Variants in OGG1 observed in about 807,000 individuals in gnomAD.
The protein encoded by OGG1 is N-glycosylase/DNA lyase.
OGG1 carries 35 observed loss-of-function variants against 42.3 expected under a neutral mutation model. The observed-to-expected ratio is 0.83, with a 90% CI of 0.63 to 1.10. The LOEUF (loss-of-function observed/expected upper bound fraction) is 1.10. OGG1 is among the 50% of genes least tolerant of loss of function. The pLI is 0.00. For synonymous variants in OGG1, 189 were observed against 179.0 expected, an observed-to-expected ratio of 1.06 and a Z score of -0.44; for missense variants, 484 against 446.7, an observed-to-expected ratio of 1.08 and a Z score of -0.75.
intron 3 of OGG1, chr3:9,785,288 T>C: frequency 6.4e-7 from 1 of 1,561,996 alleles, no homozygotes; most frequent in Non-Finnish European, 8.8e-7. Context: ...GGGGCCAGAC[T>C]GTGGGTTGTG....
intron 2 of OGG1, among the ~76,000 whole-genome samples, chr3:9,777,166 G>A (rs2078375354): frequency 6.6e-6 from 1 of 152,240 alleles, no homozygotes; most frequent in African/African-American, 2.4e-5. Flanking sequence ...AAAGTCAGCT[G>A]TAAGGCATTT....
downstream of OGG1, chr3:9,761,251 T>C (rs1383289771): frequency 1.9e-6 from 1 of 538,576 alleles, no homozygotes; most frequent in Non-Finnish European, 3.2e-6. Flanking sequence ...TTGTCTGGTT[T>C]GTGCTGTGCT....
intron 2 of OGG1, 33 bp downstream of exon 2, chr3:9,751,225 C>G: frequency 6.2e-7 from 1 of 1,609,006 alleles, no homozygotes; most frequent in Non-Finnish European, 8.5e-7. Context: ...GGTTAGGGTT[C>G]TTGGACATAA....
exon 4 of OGG1, chr3:9,787,799 G>C: frequency 9.8e-7 from 1 of 1,016,230 alleles, no homozygotes; most frequent in South Asian, 1.3e-5. Flanking sequence ...ACAAAGGAGA[G>C]ACTGACTAAC....
At chr3:9,760,511 GGGTAGGGTGTCTGGTCTC>G (rs1414767675), downstream of OGG1, 1 of 722,814 alleles carries the variant, frequency 1.4e-6, no homozygotes, top group Non-Finnish European at 2.4e-6. Context: ...AAGGAAGAAG[GGGTAGGGTGTCTGGTCTC>G]GAAGACAGCT....
Position 9,754,774 on chromosome 3 carries a change from C to T in OGG1, c.636C>T (p.Ala212=). ...GTGCCCGTTACGTGAGTGCCAGTGC[C>T]CGAGCCATCCTGGAAGAACAGGGCG... ...GYRARYVSAS[A]RAILEEQGGL... is the part of the protein sequence containing the mutation. Residue 212 remains alanine (A), a synonymous_variant, in exon 4 of 7, where the codon GCC becomes GCT. Coordinates refer to ENST00000344629, the MANE Select transcript of OGG1 (RefSeq NM_002542.6). 6.2e-7 allele frequency: 1 copy of T among 1,614,046 alleles called. No individual in the cohort carries two copies. Among genetic ancestry groups the T allele is most frequent in the East Asian group, 2.2e-5 (1 of 44,884 alleles).
At chr3:9,753,069 G>C (rs997812873) in intron 3 of OGG1, among the ~76,000 whole-genome samples, 7 of 150,520 alleles carry the variant, frequency 4.7e-5, no homozygotes, top group Admixed American at 4.0e-4. Context: ...AAAGAAACCT[G>C]GGTCAGGCAC....
Position 9,754,779 on chromosome 3 carries a change from C to G in OGG1, c.641C>G (p.Ala214Gly). ...RARYVSASAR[A>G]ILEEQGGLAW... is the part of the protein sequence containing the mutation. ...CGTTACGTGAGTGCCAGTGCCCGAGCCATCCTGGAAGAACAGGGCGGGCTA... is the reference window on the plus strand; with the variant it reads ...CGTTACGTGAGTGCCAGTGCCCGAGGCATCCTGGAAGAACAGGGCGGGCTA... Residue 214 changes from alanine (A) to glycine (G), a missense_variant, in exon 4 of 7, where the codon GCC (alanine) becomes GGC (glycine). Transcript: ENST00000344629. 5 of 1,613,992 alleles carry G rather than the reference C, an allele frequency of 3.1e-6. No individual in the cohort carries two copies. Among genetic ancestry groups the G allele is most frequent in the Non-Finnish European group, 4.2e-6 (5 of 1,179,956 alleles).
At chr3:9,786,585 T>TCTA (rs1302063130) in intron 3 of OGG1, among the ~76,000 whole-genome samples, 1 of 152,176 alleles carries the variant, frequency 6.6e-6, no homozygotes, top group African/African-American at 2.4e-5. Context: ...AATCTTCTTA[T>TCTA]CTGTAACACA....
intron 6 of OGG1, 109 bp from the exon 7 acceptor site, chr3:9,756,952 C>T: frequency 6.2e-7 from 1 of 1,612,014 alleles, no homozygotes; most frequent in Non-Finnish European, 8.5e-7. Context: ...TTCTCATTGC[C>T]TTCGGCCCTG....
intron 2 of OGG1, among the ~76,000 whole-genome samples, chr3:9,774,016 C>A (rs969414470): frequency 1.3e-5 from 2 of 152,116 alleles, no homozygotes; most frequent in African/African-American, 4.8e-5. Context: ...TCCATGAATT[C>A]TTGAACCTGA....
chr3:9,760,959 C>T (rs568784832), downstream of OGG1: 2 of 809,688 alleles, frequency 2.5e-6, no homozygotes, highest in African/African-American at 3.5e-5. Context: ...GTGCCGCCAT[C>T]TTGCCCTCCT....
intron 3 of OGG1, among the ~76,000 whole-genome samples, chr3:9,752,561 G>C (rs1431525679): frequency 6.9e-6 from 1 of 144,954 alleles, no homozygotes; most frequent in Non-Finnish European, 1.5e-5. Context: ...AATTCAAGCT[G>C]GTATCATTGT....
rs757607321 is a variant in OGG1 at position 9,754,800 on chromosome 3, G to T, written c.662G>T (p.Gly221Val). ...SARAILEEQG[G>V]LAWLQQLRES... The stretch of plus-strand genomic sequence containing the variant: ...CGAGCCATCCTGGAAGAACAGGGCG[G>T]GCTAGCCTGGCTGCAGCAGCTACGA... The change falls in exon 4 of 7, where the codon GGG (glycine) becomes GTG (valine). Residue 221 changes from glycine (G) to valine (V), a missense_variant. Coordinates refer to ENST00000344629, the MANE Select transcript of OGG1 (RefSeq NM_002542.6). 6.2e-7 allele frequency: 1 copy of T among 1,613,514 alleles called. No individual in the cohort carries two copies. Among genetic ancestry groups the T allele is most frequent in the Non-Finnish European group, 8.5e-7 (1 of 1,179,778 alleles).
chr3:9,760,824 G>T (rs1362565148), downstream of OGG1: 1 of 1,608,158 alleles, frequency 6.2e-7, no homozygotes, highest in Non-Finnish European at 8.5e-7. Context: ...TGGCTCCGGG[G>T]TGGAGCACTG....
At chr3:9,788,553 T>C (rs73113564), downstream of OGG1, among the ~76,000 whole-genome samples, 650 of 151,628 alleles carry the variant, frequency 4.3e-3, 4 homozygotes, top group African/African-American at 0.015. Context: ...CTTTTTTTTT[T>C]TTAATGGATG....
At chr3:9,756,372 C>G (rs1299322349) in intron 4 of OGG1, 99 bp from the exon 5 acceptor site, 7 of 1,186,718 alleles carry the variant, frequency 5.9e-6, no homozygotes, top group African/African-American at 3.0e-5. Flanking sequence ...AACAGTAACC[C>G]CAGAGTGAAG....
chr3:9,761,236 G>A, downstream of OGG1: 1 of 484,480 alleles, frequency 2.1e-6, no homozygotes. Flanking sequence ...CTGAGGGCAG[G>A]CACTTTGTCT....
Position 9,750,049 on chromosome 3 carries a change from C to G in OGG1, c.-238C>G, listed in dbSNP as rs1190961519. On this transcript the variant is annotated 5_prime_UTR_variant, in exon 1 of 7. Transcript: ENST00000344629. ...GAGAAGATAAGTCGCAAGGAGGGGG[C>G]GGGACCTACACCTCAGGAAAGCCGG... The G allele has an allele frequency of 5.2e-6, 3 of 574,952 alleles. No homozygotes were observed. The African/African-American group carries it at 5.6e-5, about 11-fold the overall frequency. The allele number at this position is 574,952 out of a possible 1,614,324, so 35.6% of individuals were successfully genotyped here.
Sources: gnomAD v4.1 joint callset for allele counts (sites outside exome capture counted in the v4.1 genomes callset) on GRCh38, gnomAD v4.1.1 for gene constraint, MANE v1.5 for transcripts, NCBI Gene and HGNC (gene_info 2026-07-23, HGNC 2026-07-21) for gene names.